Variants in PLCE1 observed in about 807,000 individuals in gnomAD.
PLCE1 encodes 1-phosphatidylinositol 4,5-bisphosphate phosphodiesterase epsilon-1.
Under a neutral mutation model 242.8 loss-of-function variants are expected in PLCE1, and 119 were observed. The ratio of observed to expected loss-of-function variants is 0.49; its 90% CI spans 0.42 to 0.57. The LOEUF is 0.57. Ranked by LOEUF, PLCE1 falls within the 20% of genes least tolerant of loss-of-function variation. PLCE1 has a pLI of 0.00. For synonymous variants in PLCE1, 945 were observed against 1,017.4 expected (o/e 0.93, Z 1.35); for missense variants, 2,441 against 2,788.8 (o/e 0.88, Z 2.81).
chr10:94,138,428 A>T (rs1271711273), intron 3 of PLCE1: 2 of 415,254 alleles, frequency 4.8e-6, no homozygotes, highest in African/African-American at 4.1e-5. Flanking sequence ...GTATTATGCT[A>T]TTAACCACCC....
Position 94,110,058 on chromosome 10 carries a change from C to CTTTTTTTTTTTTTTTTTT in PLCE1, c.1207-22111_1207-22094dup, listed in dbSNP as rs33974566. Among the ~76,000 whole-genome samples, 46 of 75,886 alleles carry CTTTTTTTTTTTTTTTTTT rather than the reference C, an allele frequency of 6.1e-4. 7 individuals are homozygous for CTTTTTTTTTTTTTTTTTT. The highest frequency in any genetic ancestry group is 7.0e-4 in the Non-Finnish European group (31 of 44,012). The allele number at this position is 75,886 out of a possible 152,430, so 49.8% of individuals were successfully genotyped here. On this transcript the variant is annotated intron_variant, in intron 2 of 32. Transcript: ENST00000371380. ...AGACCCTTTCCTTTTTTTCTTTTTT[C>CTTTTTTTTTTTTTTTTTT]TTTTTTTTTTTTTTTTTTTTTTGAG...
chr10:94,149,331 C>T (rs2047206727), intron 3 of PLCE1, among the ~76,000 whole-genome samples: 1 of 152,148 alleles, frequency 6.6e-6, no homozygotes, highest in Non-Finnish European at 1.5e-5. Flanking sequence ...CTGATCTGAG[C>T]CAATCAAGTT....
At chr10:94,266,354 A>G (rs1285750083) in intron 16 of PLCE1, among the ~76,000 whole-genome samples, 1 of 152,160 alleles carries the variant, frequency 6.6e-6, no homozygotes, top group African/African-American at 2.4e-5. Flanking sequence ...GCAACTTCCT[A>G]TGTACTTATT....
At chr10:94,033,410 A>G (rs2061601279) in intron 2 of PLCE1, among the ~76,000 whole-genome samples, 1 of 152,122 alleles carries the variant, frequency 6.6e-6, no homozygotes, top group Non-Finnish European at 1.5e-5. Flanking sequence ...CTAAATATCA[A>G]TAACATTTTA....
chr10:94,179,530 T>TGA lies in PLCE1; in HGVS notation c.1809+8035_1809+8036dup, dbSNP rs1554877546. Among the ~76,000 whole-genome samples the TGA allele has an allele frequency of 9.9e-3, 1,174 of 118,804 alleles. 58 individuals are homozygous for TGA. Among genetic ancestry groups the TGA allele is most frequent in the African/African-American group, 0.036 (1,107 of 31,016 alleles). The allele number at this position is 118,804 out of a possible 152,430, so 77.9% of individuals were successfully genotyped here. On this transcript the variant is annotated intron_variant, in intron 4 of 32. Coordinates refer to ENST00000371380, the MANE Select transcript of PLCE1 (RefSeq NM_016341.4). ...TAGTTTAGTTTTTTTTTTTTTTTTT[T>TGA]GACAGGGTCTCTGTTGCCCAGGCTG...
At chr10:94,237,601 TA>T (rs2050368386) in intron 7 of PLCE1, among the ~76,000 whole-genome samples, 2 of 152,206 alleles carry the variant, frequency 1.3e-5, no homozygotes, top group Admixed American at 1.3e-4. Context: ...ATTTCTTTTA[TA>T]AAACCTGTGA....
Position 94,329,764 on chromosome 10 carries a change from GAGACTCCGTCT to G in PLCE1, c.*1822_*1832del, listed in dbSNP as rs1564905084. On this transcript the variant is annotated 3_prime_UTR_variant, in exon 33 of 33. Transcript: ENST00000371380. ...CCACGCTCCAGCCTGGTGACAGAGC[GAGACTCCGTCT>G]CAAAAAAAAAAAAAAAAAAAAAAAA... is the stretch of plus-strand genomic sequence containing the variant. 1 of 105,394 alleles carries G rather than the reference GAGACTCCGTCT, an allele frequency of 9.5e-6. No homozygotes were observed. Among genetic ancestry groups the G allele is most frequent in the East Asian group, 3.1e-4 (1 of 3,220 alleles). 6.5% of individuals were successfully genotyped at this position (105,394 alleles called of 1,614,324 possible).
intron 4 of PLCE1, among the ~76,000 whole-genome samples, chr10:94,172,705 TCCC>T (rs2048022161): frequency 6.6e-6 from 1 of 152,118 alleles, no homozygotes; most frequent in African/African-American, 2.4e-5. Flanking sequence ...ACACCTGCAG[TCCC>T]AGCTACTGTG....
At chr10:94,139,431 G>A (rs2046886804) in intron 3 of PLCE1, 1 of 163,694 alleles carries the variant, frequency 6.1e-6, no homozygotes, top group African/African-American at 2.4e-5. Flanking sequence ...ACCCAGAAGA[G>A]AAGAAGTCAC....
intron 4 of PLCE1, among the ~76,000 whole-genome samples, chr10:94,220,173 T>A (rs1002788524): frequency 2.1e-5 from 3 of 145,132 alleles, no homozygotes; most frequent in East Asian, 2.0e-4. Flanking sequence ...AGGACAACAT[T>A]TTATACATAC....
intron 22 of PLCE1, among the ~76,000 whole-genome samples, chr10:94,288,644 G>A (rs2052543123): frequency 6.6e-6 from 1 of 152,116 alleles, no homozygotes; most frequent in African/African-American, 2.4e-5. Context: ...TGATTCTGAG[G>A]GGGATTTTGC....
chr10:94,048,388 C>G (rs2043658186), intron 2 of PLCE1, among the ~76,000 whole-genome samples: 1 of 151,962 alleles, frequency 6.6e-6, no homozygotes, highest in Non-Finnish European at 1.5e-5. Flanking sequence ...TTTACACACC[C>G]CCCAACCCTT....
chr10:94,180,245 G>C (rs2048270114), intron 4 of PLCE1, among the ~76,000 whole-genome samples: 1 of 152,116 alleles, frequency 6.6e-6, no homozygotes, highest in Non-Finnish European at 1.5e-5. Context: ...ATTTTTTTAT[G>C]ATTTCAATAT....
intron 4 of PLCE1, among the ~76,000 whole-genome samples, chr10:94,188,203 G>A (rs1249129187): frequency 6.6e-6 from 1 of 152,150 alleles, no homozygotes; most frequent in Non-Finnish European, 1.5e-5. Flanking sequence ...TCAATCAAGT[G>A]TACAAATGCA....
rs1589561038 is a variant in PLCE1 at position 94,332,483 on chromosome 10, T to C, written c.*4540T>C. Reference sequence around the variant, plus strand: ...AACAAATTAAGGCTGTAGCTTAATATAGCCTCAGGATATGTGTGTGCCTGT... The same window carrying C: ...AACAAATTAAGGCTGTAGCTTAATACAGCCTCAGGATATGTGTGTGCCTGT... On this transcript the variant is annotated 3_prime_UTR_variant, in exon 33 of 33. Transcript: ENST00000371380. 6.7e-6 allele frequency: 1 copy of C among 149,886 alleles called. No homozygotes were observed. The highest frequency in any genetic ancestry group is 2.5e-5 in the African/African-American group (1 of 40,374). 9.3% of individuals were successfully genotyped at this position (149,886 alleles called of 1,614,324 possible).
Position 94,321,885 on chromosome 10 carries a change from TTC to T in PLCE1, c.6343-14_6343-13del, listed in dbSNP as rs1314764389. ...TAAACCTATTATTTACTCACATTTT[TTC>T]TTTTTAAACATAGAACCTAGAAGAG... On this transcript the variant is annotated splice_polypyrimidine_tract_variant and intron_variant, in intron 29 of 32. Coordinates refer to ENST00000371380, the MANE Select transcript of PLCE1 (RefSeq NM_016341.4). 1 of 1,599,046 alleles carries T rather than the reference TTC, an allele frequency of 6.3e-7. No individual in the cohort carries two copies. The highest frequency in any genetic ancestry group is 8.6e-7 in the Non-Finnish European group (1 of 1,166,350).
At chr10:94,117,110 G>C (rs1399461509) in intron 2 of PLCE1, among the ~76,000 whole-genome samples, 15 of 152,102 alleles carry the variant, frequency 9.9e-5, no homozygotes, top group Admixed American at 9.2e-4. Context: ...ACAACATATA[G>C]AGCTCCCATC....
intron 2 of PLCE1, among the ~76,000 whole-genome samples, chr10:94,039,692 C>A (rs1394213664): frequency 6.6e-6 from 1 of 152,176 alleles, no homozygotes; most frequent in African/African-American, 2.4e-5. Flanking sequence ...AGCCTGATTT[C>A]TCCACATCTT....
intron 1 of PLCE1, among the ~76,000 whole-genome samples, chr10:94,015,602 G>C (rs1167600555): frequency 6.6e-6 from 1 of 152,154 alleles, no homozygotes; most frequent in Non-Finnish European, 1.5e-5. Context: ...CCAGTCGTTT[G>C]AGAGTGAGGC....
Sources: gnomAD v4.1 joint callset for allele counts (sites outside exome capture counted in the v4.1 genomes callset) on GRCh38, gnomAD v4.1.1 for gene constraint, MANE v1.5 for transcripts, NCBI Gene and HGNC (gene_info 2026-07-23, HGNC 2026-07-21) for gene names.